The following ZFPM2 variants were observed in gnomAD, a reference collection of about 807,000 sequenced individuals.
ZFPM2 encodes zinc finger protein ZFPM2.
A neutral mutation model predicts 98.6 loss-of-function variants in ZFPM2; 20 were observed. The observed-to-expected ratio is 0.20, with a 90% CI of 0.14 to 0.29. The LOEUF is 0.29. Ranked by LOEUF, ZFPM2 falls within the 10% of genes least tolerant of loss-of-function variation. The pLI, the probability that ZFPM2 is intolerant of heterozygous loss-of-function variation, is 1.00. For synonymous variants in ZFPM2, 518 were observed against 502.7 expected (o/e 1.03, Z -0.41); for missense variants, 1,310 against 1,388.6 (o/e 0.94, Z 0.90).
intron 5 of ZFPM2, among the ~76,000 whole-genome samples, chr8:105,687,660 A>C (rs1268265565): frequency 1.3e-5 from 2 of 152,178 alleles, no homozygotes; most frequent in East Asian, 3.8e-4. Flanking sequence ...TTTAGAATAC[A>C]TAAATCAAAT....
intron 3 of ZFPM2, among the ~76,000 whole-genome samples, chr8:105,475,845 C>A (rs533313764): frequency 3.5e-4 from 53 of 151,936 alleles, no homozygotes; most frequent in African/African-American, 1.2e-3. Context: ...GGATTCATTT[C>A]AAAAAAATCA....
chr8:105,485,758 C>A (rs1232760287), intron 3 of ZFPM2, among the ~76,000 whole-genome samples: 1 of 151,970 alleles, frequency 6.6e-6, no homozygotes, highest in African/African-American at 2.4e-5. Flanking sequence ...AGGTGGACTA[C>A]TGGGGGAAAG....
At chr8:105,643,770 A>G (rs1167897679) in intron 5 of ZFPM2, among the ~76,000 whole-genome samples, 1 of 152,174 alleles carries the variant, frequency 6.6e-6, no homozygotes, top group East Asian at 1.9e-4. Context: ...AATATTTAAC[A>G]TCCTCTGTTA....
At chr8:105,548,470 G>T (rs1338933534) in intron 3 of ZFPM2, among the ~76,000 whole-genome samples, 27 of 150,376 alleles carry the variant, frequency 1.8e-4, no homozygotes, top group Admixed American at 3.3e-4. Flanking sequence ...TCTTAAAACT[G>T]TTTTTTTTTA....
intron 5 of ZFPM2, among the ~76,000 whole-genome samples, chr8:105,693,048 G>A (rs1224446789): frequency 1.3e-5 from 2 of 152,202 alleles, no homozygotes; most frequent in African/African-American, 4.8e-5. Context: ...CATGACATGA[G>A]AAGAGCCTAA....
intron 1 of ZFPM2, among the ~76,000 whole-genome samples, chr8:105,389,387 G>A (rs1811065725): frequency 6.6e-6 from 1 of 151,998 alleles, no homozygotes; most frequent in African/African-American, 2.4e-5. Context: ...GGACAAAGAG[G>A]AAAATCAGAG....
Position 105,472,889 on chromosome 8 carries a change from CTT to C in ZFPM2, c.301+28528_301+28529del, listed in dbSNP as rs5893744. 7.8e-3 allele frequency among the ~76,000 whole-genome samples: 848 copies of C among 109,360 alleles called. 5 individuals carry two copies. The highest frequency in any genetic ancestry group is 0.021 in the African/African-American group (585 of 27,648). The allele number at this position is 109,360 out of a possible 152,430, so 71.7% of individuals were successfully genotyped here. A position where few individuals can be genotyped will look rare whatever the true frequency, so the allele number is the denominator to read the frequency against. ...CTTTCCCCTCTTCTCCTAAAGGGAC[CTT>C]TTTTTTTTTTTTTTTTTTTAAAGAA... On this transcript the variant is annotated intron_variant, in intron 3 of 7. Coordinates refer to ENST00000407775, the MANE Select transcript of ZFPM2 (RefSeq NM_012082.4).
rs141353235 is a variant in ZFPM2 at position 105,794,862 on chromosome 8, C to T, written c.740-3862C>T. Among the ~76,000 whole-genome samples the T allele has an allele frequency of 8.9e-3, 1,353 of 152,278 alleles. 17 individuals are homozygous for T. The highest frequency in any genetic ancestry group is 0.024 in the African/African-American group (988 of 41,572). ...GCTGTGCTAGCAATCAGTGAGGGTC[C>T]GTGGGCATAGGACCCTCCAAGCCCG... On this transcript the variant is annotated intron_variant, in intron 6 of 7. Transcript: ENST00000407775.
At chr8:105,633,687 C>T (rs1427422105) in intron 4 of ZFPM2, among the ~76,000 whole-genome samples, 1 of 152,110 alleles carries the variant, frequency 6.6e-6, no homozygotes, top group East Asian at 1.9e-4. Context: ...ATGTATGGTG[C>T]ATCATTAGCA....
At chr8:105,674,125 T>C (rs562673268) in intron 5 of ZFPM2, among the ~76,000 whole-genome samples, 5 of 152,354 alleles carry the variant, frequency 3.3e-5, no homozygotes, top group Non-Finnish European at 5.9e-5. Flanking sequence ...GTGCTCACCA[T>C]AGCTCTAATC....
chr8:105,340,282 C>A (rs1289690884), intron 1 of ZFPM2, among the ~76,000 whole-genome samples: 1 of 151,748 alleles, frequency 6.6e-6, no homozygotes, highest in Admixed American at 6.6e-5. Flanking sequence ...TCTTTGAGGT[C>A]AGTAGCCAAT....
At chr8:105,532,962 A>C (rs11786961) in intron 3 of ZFPM2, among the ~76,000 whole-genome samples, 18,829 of 152,134 alleles carry the variant, frequency 0.12, 1,206 homozygotes, top group East Asian at 0.16. Flanking sequence ...TGTCTGTATC[A>C]CTACATTAGT....
intron 5 of ZFPM2, among the ~76,000 whole-genome samples, chr8:105,760,992 A>G (rs927292540): frequency 5.9e-5 from 9 of 152,044 alleles, no homozygotes; most frequent in Non-Finnish European, 1.3e-4. Flanking sequence ...GAGAATAAGC[A>G]ATTATGCAAA....
intron 1 of ZFPM2, among the ~76,000 whole-genome samples, chr8:105,372,546 T>C (rs918855189): frequency 2.6e-5 from 4 of 152,138 alleles, no homozygotes; most frequent in Non-Finnish European, 4.4e-5. Flanking sequence ...GTAATAATGT[T>C]TACTGAGCTT....
chr8:105,667,136 G>A (rs572854767), intron 5 of ZFPM2, among the ~76,000 whole-genome samples: 1 of 152,106 alleles, frequency 6.6e-6, no homozygotes, highest in Non-Finnish European at 1.5e-5. Flanking sequence ...ATGAAAAGAA[G>A]CCTATCGCTT....
In ZFPM2 at chr8:105,561,477, C is replaced by T. The variant is rs1484648379; in HGVS notation, c.416C>T (p.Ser139Phe). 6.2e-7 allele frequency: 1 copy of T among 1,608,198 alleles called. No homozygotes were observed. Among genetic ancestry groups the T allele is most frequent in the African/African-American group, 1.3e-5 (1 of 74,632 alleles). Residue 139 changes from serine (S) to phenylalanine (F), a missense_variant, in exon 4 of 8, where the codon TCT becomes TTT. Transcript: ENST00000407775. ...FPGKMDLNNN[S>F]LKTKAQVPMV... is the part of the protein sequence containing the mutation. ...GGGAAGATGGACTTGAATAATAATTCTTTGGTATGTGGATATTCCGAGATG... is the reference window on the plus strand; with the variant it reads ...GGGAAGATGGACTTGAATAATAATTTTTTGGTATGTGGATATTCCGAGATG...
chr8:105,619,340 A>G (rs1227923507), intron 4 of ZFPM2, among the ~76,000 whole-genome samples: 1 of 152,070 alleles, frequency 6.6e-6, no homozygotes, highest in Non-Finnish European at 1.5e-5. Flanking sequence ...GATTATTAAT[A>G]TTGACAATCT....
chr8:105,375,405 G>A (rs1340835471), intron 1 of ZFPM2, among the ~76,000 whole-genome samples: 1 of 152,128 alleles, frequency 6.6e-6, no homozygotes, highest in Admixed American at 6.6e-5. Flanking sequence ...CCTTAGGAAG[G>A]GAAAAGATAG....
chr8:105,424,638 G>A (rs1427305840), intron 2 of ZFPM2, among the ~76,000 whole-genome samples: 1 of 151,972 alleles, frequency 6.6e-6, no homozygotes, highest in African/African-American at 2.4e-5. Flanking sequence ...TTCAGACTTG[G>A]ATTTAATGTT....
Sources: gnomAD v4.1 joint callset for allele counts (sites outside exome capture counted in the v4.1 genomes callset) on GRCh38, gnomAD v4.1.1 for gene constraint, MANE v1.5 for transcripts, NCBI Gene and HGNC (gene_info 2026-07-23, HGNC 2026-07-21) for gene names.